Variants in UFL1 observed in about 807,000 individuals in gnomAD.
UFL1 encodes UFM1 specific ligase 1, also known as E3 UFM1-protein ligase 1.
A neutral mutation model predicts 99.3 loss-of-function variants in UFL1; 78 were observed. The observed-to-expected ratio is 0.79, with a 90% CI of 0.65 to 0.95. The LOEUF is 0.95. UFL1 is among the 40% of genes least tolerant of loss of function. UFL1 has a pLI of 0.00. For missense variants in UFL1, 936 were observed against 937.0 expected (o/e 1.00, Z 0.01); for synonymous variants, 335 against 322.2 (o/e 1.04, Z -0.42).
In UFL1 at chr6:96,523,215, T is replaced by C. The variant is rs1296486285; in HGVS notation, c.147T>C (p.His49=). Residue 49 remains histidine, a synonymous_variant, in exon 2 of 19, where the codon CAT becomes CAC. Coordinates refer to ENST00000369278, the MANE Select transcript of UFL1 (RefSeq NM_015323.5). ...CTCAGAAACAGCTAGAAGTAGTTCA[T>C]ACACTCGATGGAAAGGAATATATTA... ...LIAQKQLEVV[H]TLDGKEYITP... 3 of 1,613,460 alleles carry C rather than the reference T, an allele frequency of 1.9e-6. No individual in the cohort carries two copies. The highest frequency in any genetic ancestry group is 2.5e-6 in the Non-Finnish European group (3 of 1,179,742).
At chr6:96,551,541 G>A (rs200751367) in intron 16 of UFL1, 28 bp downstream of exon 16, 24 of 1,374,926 alleles carry the variant, frequency 1.7e-5, no homozygotes, top group Admixed American at 2.5e-5. Flanking sequence ...CTATTTACAT[G>A]TCAGGGCTAG....
intron 3 of UFL1, among the ~76,000 whole-genome samples, chr6:96,525,013 A>G (rs1008960938): frequency 1.3e-5 from 2 of 152,104 alleles, no homozygotes; most frequent in Admixed American, 6.5e-5. Flanking sequence ...TATTTGGCCA[A>G]TGCTTTTCGT....
In UFL1 at chr6:96,555,146, T is replaced by TAA. The variant is rs143065651; in HGVS notation, c.*1644_*1645dup. ...GTAAAGAACAGTTTTTATTGTTTTG[T>TAA]AAGTAAAATTACGTAGCTGATTTTG... is the stretch of plus-strand genomic sequence containing the variant. On this transcript the variant is annotated 3_prime_UTR_variant, in exon 19 of 19. Transcript: ENST00000369278. 5.2e-4 allele frequency: 80 copies of TAA among 152,430 alleles called. No homozygotes were observed. Among genetic ancestry groups the TAA allele is most frequent in the African/African-American group, 1.9e-3 (80 of 41,580 alleles). 9.4% of individuals were successfully genotyped at this position (152,430 alleles called of 1,614,324 possible).
Position 96,554,777 on chromosome 6 carries a change from G to C in UFL1, c.*1274G>C, listed in dbSNP as rs968326538. On this transcript the variant is annotated 3_prime_UTR_variant, in exon 19 of 19. Coordinates refer to ENST00000369278, the MANE Select transcript of UFL1 (RefSeq NM_015323.5). Reference sequence around the variant, plus strand: ...CCAACTTGGCATTATTATTAAACTTGATAGGAACGCAACATTAAATTTAAA... The same window carrying C: ...CCAACTTGGCATTATTATTAAACTTCATAGGAACGCAACATTAAATTTAAA... 1.9e-4 allele frequency: 29 copies of C among 152,506 alleles called. No individual in the cohort carries two copies. The highest frequency in any genetic ancestry group is 7.0e-4 in the African/African-American group (29 of 41,436). 9.4% of individuals were successfully genotyped at this position (152,506 alleles called of 1,614,324 possible).
At chr6:96,525,623 C>T (rs1236539223) in intron 4 of UFL1, among the ~76,000 whole-genome samples, 2 of 148,800 alleles carry the variant, frequency 1.3e-5, no homozygotes, top group Non-Finnish European at 3.0e-5. Context: ...TGGAGGATTG[C>T]TTGACCAGGA....
At chr6:96,552,414 A>T (rs983319296) in intron 17 of UFL1, 68 bp from the exon 18 acceptor site, 61 of 1,444,002 alleles carry the variant, frequency 4.2e-5, no homozygotes, top group South Asian at 1.3e-4. Context: ...ACAGAAAGGG[A>T]TGAATTGAAA....
At chr6:96,538,481 A>G (rs1769885533) in intron 9 of UFL1, 150 bp from the exon 10 acceptor site, 1 of 656,240 alleles carries the variant, frequency 1.5e-6, no homozygotes, top group African/African-American at 1.8e-5. Context: ...GAAACCAGAA[A>G]TATAATTTGG....
At chr6:96,528,998 A>T (rs970082822) in intron 6 of UFL1, among the ~76,000 whole-genome samples, 1 of 152,234 alleles carries the variant, frequency 6.6e-6, no homozygotes, top group Admixed American at 6.5e-5. Flanking sequence ...GCTTTATCAC[A>T]TAATAGGCAC....
intron 13 of UFL1, among the ~76,000 whole-genome samples, chr6:96,549,069 G>C (rs1037696593): frequency 1.3e-5 from 2 of 151,546 alleles, no homozygotes; most frequent in Non-Finnish European, 3.0e-5. Flanking sequence ...TAGAAATTGA[G>C]AATTTTAAGT....
chr6:96,522,619 T>G (rs1263386197), intron 1 of UFL1, among the ~76,000 whole-genome samples: 1 of 152,176 alleles, frequency 6.6e-6, no homozygotes, highest in Non-Finnish European at 1.5e-5. Flanking sequence ...AATCCCCTTA[T>G]GCTGTATTTT....
chr6:96,544,846 C>A (rs570650998), intron 12 of UFL1, among the ~76,000 whole-genome samples: 1 of 150,814 alleles, frequency 6.6e-6, no homozygotes, highest in African/African-American at 2.4e-5. Context: ...TGTGATATTC[C>A]TTTTGTGAAT....
At chr6:96,525,485 T>A in intron 4 of UFL1, 91 bp downstream of exon 4, 1 of 913,040 alleles carries the variant, frequency 1.1e-6, no homozygotes, top group Non-Finnish European at 1.7e-6. Context: ...TATGGCCAGT[T>A]AGACATTTCA....
chr6:96,538,890 A>T, intron 10 of UFL1, 80 bp downstream of exon 10: 2 of 1,281,058 alleles, frequency 1.6e-6, no homozygotes, highest in Non-Finnish European at 2.1e-6. Context: ...GAAAAAGGGG[A>T]TAAGTGAAAG....
chr6:96,548,296 T>C lies in UFL1; in HGVS notation c.1520+15T>C. The C allele has an allele frequency of 6.8e-7, 1 of 1,470,648 alleles. No homozygotes were observed. Among genetic ancestry groups the C allele is most frequent in the Non-Finnish European group, 9.2e-7 (1 of 1,082,550 alleles). 91.1% of individuals were successfully genotyped at this position (1,470,648 alleles called of 1,614,324 possible). A position where few individuals can be genotyped will look rare whatever the true frequency, so the allele number is the denominator to read the frequency against. On this transcript the variant is annotated intron_variant, in intron 13 of 18. Coordinates refer to ENST00000369278, the MANE Select transcript of UFL1 (RefSeq NM_015323.5). ...TACTTAATAAAGCAAGTATAAAATG[T>C]ATTTTTTCTGTTTTATGGTAGAAAT...
At chr6:96,543,809 T>G (rs1001083362) in intron 12 of UFL1, among the ~76,000 whole-genome samples, 1 of 151,076 alleles carries the variant, frequency 6.6e-6, no homozygotes, top group African/African-American at 2.4e-5. Flanking sequence ...TAATTGATAA[T>G]AAGAAGAAAG....
chr6:96,522,964 A>G, intron 1 of UFL1, 182 bp from the exon 2 acceptor site: 1 of 500,522 alleles, frequency 2.0e-6, no homozygotes, highest in Admixed American at 4.4e-5. Flanking sequence ...ATGTAAACCT[A>G]CTTACTCTGA....
chr6:96,540,081 T>G (rs1157886021), intron 10 of UFL1, among the ~76,000 whole-genome samples: 2 of 151,468 alleles, frequency 1.3e-5, no homozygotes, highest in Non-Finnish European at 3.0e-5. Flanking sequence ...AAAAAAAGAT[T>G]ATATGACTTA....
In UFL1 at chr6:96,528,725, TAA is replaced by T. The variant is rs1285635656; in HGVS notation, c.596+95_596+96del. 3.0e-5 allele frequency: 43 copies of T among 1,416,184 alleles called. 1 individual carries two copies. In the East Asian group the frequency reaches 1.0e-3, roughly 34 times the overall value. 87.7% of individuals were successfully genotyped at this position (1,416,184 alleles called of 1,614,324 possible). Reference sequence around the variant, plus strand: ...AGCGGAATCTTTTTCTTTGTTTTAATAAAGTCTCATTTAGGACCCCAGTTTAT... The same window carrying T: ...AGCGGAATCTTTTTCTTTGTTTTAATAGTCTCATTTAGGACCCCAGTTTAT... On this transcript the variant is annotated intron_variant, in intron 6 of 18. Transcript: ENST00000369278.
intron 5 of UFL1, 71 bp downstream of exon 5, chr6:96,526,506 G>T (rs1769704856): frequency 1.7e-6 from 2 of 1,207,230 alleles, no homozygotes; most frequent in South Asian, 2.6e-5. Flanking sequence ...TGAATGGAAG[G>T]GGGAAAAAAA....
Sources: gnomAD v4.1 joint callset for allele counts (sites outside exome capture counted in the v4.1 genomes callset) on GRCh38, gnomAD v4.1.1 for gene constraint, MANE v1.5 for transcripts, NCBI Gene and HGNC (gene_info 2026-07-23, HGNC 2026-07-21) for gene names.